MRPS6: variants seen among roughly 807,000 people sequenced by gnomAD.
MRPS6 encodes mitochondrial ribosomal protein S6.
A neutral mutation model predicts 13.1 loss-of-function variants in MRPS6; 6 were observed. The observed-to-expected ratio is 0.46, with a 90% confidence interval of 0.25 to 0.91. The LOEUF (loss-of-function observed/expected upper bound fraction) is 0.91. Ranked by LOEUF, MRPS6 falls within the 40% of genes least tolerant of loss-of-function variation. The pLI is 0.18. For synonymous variants in MRPS6, 61 were observed against 56.5 expected (o/e 1.08, Z -0.36); for missense variants, 164 against 155.6 (o/e 1.05, Z -0.29).
At chr21:34,095,190 G>A in intron 1 of MRPS6, 4 of 1,579,780 alleles carry the variant, frequency 2.5e-6, no homozygotes, top group Middle Eastern at 1.7e-4. Flanking sequence ...TTATTCACAA[G>A]TTACCAGAAT....
intron 1 of MRPS6, chr21:34,101,401 A>G: frequency 3.0e-6 from 3 of 1,000,212 alleles, no homozygotes; most frequent in Non-Finnish European, 3.6e-6. Flanking sequence ...TAGTAGAAAA[A>G]TGCTTTGAGG....
intron 1 of MRPS6, chr21:34,123,700 C>G (rs550723797): frequency 6.6e-6 from 1 of 152,108 alleles, no homozygotes; most frequent in Non-Finnish European, 1.5e-5. Context: ...TACCAACTTG[C>G]CCATGTGTTT....
intron 1 of MRPS6, among the ~76,000 whole-genome samples, chr21:34,078,442 G>A (rs1021812544): frequency 2.0e-5 from 3 of 152,066 alleles, no homozygotes; most frequent in African/African-American, 7.3e-5. Flanking sequence ...TGGTTTGTAT[G>A]TATGAAGACT....
intron 1 of MRPS6, among the ~76,000 whole-genome samples, chr21:34,074,808 G>A (rs1346995565): frequency 6.6e-6 from 1 of 152,238 alleles, no homozygotes; most frequent in Admixed American, 6.5e-5. Flanking sequence ...TCAATTGCGA[G>A]GAGTATTACC....
At chr21:34,079,013 T>C (rs1989397844) in intron 1 of MRPS6, among the ~76,000 whole-genome samples, 1 of 152,242 alleles carries the variant, frequency 6.6e-6, no homozygotes, top group Admixed American at 6.5e-5. Context: ...TCAATTTGTC[T>C]AAAGGAAGAA....
chr21:34,080,507 C>T (rs1989434760), intron 1 of MRPS6, among the ~76,000 whole-genome samples: 1 of 152,158 alleles, frequency 6.6e-6, no homozygotes, highest in African/African-American at 2.4e-5. Flanking sequence ...ACCCCACCAC[C>T]TCCATGAAAA....
At chr21:34,133,542 C>A (rs569611776) in intron 2 of MRPS6, among the ~76,000 whole-genome samples, 6 of 152,320 alleles carry the variant, frequency 3.9e-5, no homozygotes, top group African/African-American at 1.4e-4. Flanking sequence ...AAGACAGCCC[C>A]AGAGGTGCTA....
At chr21:34,116,307 C>G (rs1165773617) in intron 1 of MRPS6, among the ~76,000 whole-genome samples, 1 of 147,728 alleles carries the variant, frequency 6.8e-6, no homozygotes, top group East Asian at 2.0e-4. Flanking sequence ...TTCAGCCTCT[C>G]AATCATCCAT....
intron 1 of MRPS6, among the ~76,000 whole-genome samples, chr21:34,086,599 A>G (rs538453493): frequency 5.7e-4 from 86 of 152,114 alleles, no homozygotes; most frequent in African/African-American, 2.0e-3. Context: ...TTTATTTCAG[A>G]AAGGATGTTC....
chr21:34,086,518 TG>T (rs1278265997), intron 1 of MRPS6, among the ~76,000 whole-genome samples: 3 of 4,402 alleles, frequency 6.8e-4, no homozygotes, highest in African/African-American at 9.6e-4. Flanking sequence ...AGTTTGTGTT[TG>T]TGTGTGTGTG....
At chr21:34,086,886 T>C (rs1185074192) in intron 1 of MRPS6, among the ~76,000 whole-genome samples, 1 of 152,102 alleles carries the variant, frequency 6.6e-6, no homozygotes, top group Non-Finnish European at 1.5e-5. Flanking sequence ...TTGGGTGAGC[T>C]GAAGGGAATT....
At chr21:34,138,715 A>G (rs1980792375) in intron 2 of MRPS6, among the ~76,000 whole-genome samples, 1 of 152,200 alleles carries the variant, frequency 6.6e-6, no homozygotes, top group Non-Finnish European at 1.5e-5. Flanking sequence ...GTGGAGGAAT[A>G]GGAACACTTT....
chr21:34,091,858 T>G (rs758045801), intron 1 of MRPS6, among the ~76,000 whole-genome samples: 6 of 152,162 alleles, frequency 3.9e-5, no homozygotes, highest in Non-Finnish European at 7.4e-5. Flanking sequence ...TTACAGAAGC[T>G]TTTTAAGAAA....
At chr21:34,136,651 T>C (rs1362914234) in intron 2 of MRPS6, among the ~76,000 whole-genome samples, 5 of 152,214 alleles carry the variant, frequency 3.3e-5, no homozygotes, top group African/African-American at 9.6e-5. Context: ...TGTTTAAAAG[T>C]TTTTTTAAAT....
At chr21:34,137,216 T>C (rs942077620) in intron 2 of MRPS6, among the ~76,000 whole-genome samples, 4 of 152,230 alleles carry the variant, frequency 2.6e-5, no homozygotes, top group African/African-American at 9.6e-5. Context: ...TGAATGTCAA[T>C]AGATTTTATT....
chr21:34,109,941 C>A (rs2148664384), intron 1 of MRPS6, among the ~76,000 whole-genome samples: 1 of 152,176 alleles, frequency 6.6e-6, no homozygotes, highest in South Asian at 2.1e-4. Context: ...AGTAGGTTTT[C>A]AGGTGGGAGC....
At chr21:34,093,024 C>T (rs1020900216) in intron 1 of MRPS6, among the ~76,000 whole-genome samples, 1 of 152,274 alleles carries the variant, frequency 6.6e-6, no homozygotes, top group Admixed American at 6.5e-5. Flanking sequence ...TGACAAGCTT[C>T]CCTTATGCAG....
intron 2 of MRPS6, among the ~76,000 whole-genome samples, chr21:34,130,333 C>A (rs1456415498): frequency 6.6e-6 from 1 of 152,122 alleles, no homozygotes; most frequent in African/African-American, 2.4e-5. Context: ...TACAGTTTTC[C>A]CCCTGGACAA....
chr21:34,126,133 C>T (rs549529010), intron 2 of MRPS6, among the ~76,000 whole-genome samples: 5 of 152,244 alleles, frequency 3.3e-5, no homozygotes, highest in Non-Finnish European at 5.9e-5. Flanking sequence ...GGTTTTAGCG[C>T]GGTAGGAAAA....
Sources: gnomAD v4.1 joint callset for allele counts (sites outside exome capture counted in the v4.1 genomes callset) on GRCh38, gnomAD v4.1.1 for gene constraint, MANE v1.5 for transcripts, NCBI Gene and HGNC (gene_info 2026-07-23, HGNC 2026-07-21) for gene names.